OCA2: variants seen among roughly 807,000 people sequenced by gnomAD.
The protein encoded by OCA2 is OCA2 melanosomal transmembrane protein.
In OCA2, 77 loss-of-function variants were observed where a neutral mutation model predicts 100.2. That is an observed-to-expected ratio of 0.77 (90% CI 0.64 to 0.93). The LOEUF (loss-of-function observed/expected upper bound fraction) is 0.93, where lower values mean the gene tolerates loss of function less well. OCA2 is among the 40% of genes least tolerant of loss of function. The probability of loss-of-function intolerance (pLI) is 0.00; values close to 1 mark genes in which losing one functional copy is unlikely to be tolerated. For missense variants in OCA2, 1,062 were observed against 1,089.1 expected (o/e 0.98, Z 0.35); for synonymous variants, 432 against 439.2 (o/e 0.98, Z 0.21).
intron 13 of OCA2, among the ~76,000 whole-genome samples, chr15:27,984,051 T>A (rs2041259639): frequency 6.6e-6 from 1 of 151,580 alleles, no homozygotes; most frequent in Non-Finnish European, 1.5e-5. Flanking sequence ...ATTCACATAA[T>A]CAAACCAGGT....
Position 27,861,791 on chromosome 15 carries a change from A to G in OCA2, c.2244+9363T>C, listed in dbSNP as rs74811990. Among the ~76,000 whole-genome samples, 867 of 152,318 alleles carry G rather than the reference A, an allele frequency of 5.7e-3. 9 individuals carry two copies. Among genetic ancestry groups the G allele is most frequent in the African/African-American group, 0.02 (824 of 41,554 alleles). On this transcript the variant is annotated intron_variant, in intron 21 of 23. Coordinates refer to ENST00000354638, the MANE Select transcript of OCA2 (RefSeq NM_000275.3). Reference sequence around the variant, plus strand: ...CCTTTCGAAGTGTCTGGCTACAGGAAACTGAGGAAATAGGGGAGTGGCGGG... The same window carrying G: ...CCTTTCGAAGTGTCTGGCTACAGGAGACTGAGGAAATAGGGGAGTGGCGGG...
chr15:27,728,529 T>C, the OCA2 span, among the ~76,000 whole-genome samples: 1 of 152,194 alleles, frequency 6.6e-6, no homozygotes, highest in Non-Finnish European at 1.5e-5. Flanking sequence ...CTGGCACTGT[T>C]CCTGCTGATA....
intron 23 of OCA2, among the ~76,000 whole-genome samples, chr15:27,782,752 T>C (rs759341775): frequency 6.6e-6 from 1 of 152,224 alleles, no homozygotes; most frequent in Non-Finnish European, 1.5e-5. Flanking sequence ...GAGGAGCCAA[T>C]GCGTGTCCCA....
At chr15:27,877,751 T>C (rs987774706) in intron 19 of OCA2, among the ~76,000 whole-genome samples, 8 of 151,998 alleles carry the variant, frequency 5.3e-5, no homozygotes, top group Non-Finnish European at 8.8e-5. Context: ...TAAAAGTATG[T>C]CTCTTAAGAG....
At chr15:28,068,037 G>A (rs1417951710) in intron 2 of OCA2, among the ~76,000 whole-genome samples, 1 of 152,210 alleles carries the variant, frequency 6.6e-6, no homozygotes, top group Non-Finnish European at 1.5e-5. Context: ...AAATATTTAG[G>A]ATAGTTAAGG....
chr15:27,756,161 C>G (rs907248551), intron 23 of OCA2, among the ~76,000 whole-genome samples: 3 of 152,246 alleles, frequency 2.0e-5, no homozygotes, highest in Non-Finnish European at 4.4e-5. Flanking sequence ...GGGTAATGCA[C>G]GCTCTGTAGC....
At chr15:27,826,434 C>A (rs1008053347) in intron 23 of OCA2, among the ~76,000 whole-genome samples, 1 of 152,172 alleles carries the variant, frequency 6.6e-6, no homozygotes, top group Non-Finnish European at 1.5e-5. Flanking sequence ...CCCTCAACCA[C>A]TACACTCCCA....
chr15:27,818,198 C>T (rs140007727), intron 23 of OCA2, among the ~76,000 whole-genome samples: 4,314 of 152,076 alleles, frequency 0.028, 87 homozygotes, highest in African/African-American at 0.055. Context: ...GAGATCAGCC[C>T]GGCTAACATG....
At chr15:27,746,768 C>T in the OCA2 span, among the ~76,000 whole-genome samples, 1 of 152,172 alleles carries the variant, frequency 6.6e-6, no homozygotes, top group Admixed American at 6.5e-5. Flanking sequence ...GACAGCATAC[C>T]ATTTTTGGAC....
intron 15 of OCA2, among the ~76,000 whole-genome samples, chr15:27,959,796 T>G (rs2040350450): frequency 1.3e-5 from 2 of 152,244 alleles, no homozygotes; most frequent in Admixed American, 1.3e-4. Context: ...ACCCAGCACC[T>G]ACCTGCCTTC....
chr15:27,966,704 G>A lies in OCA2; in HGVS notation c.1622C>T (p.Pro541Leu). ...CTTGTACTCACCAACAATCTCACTGGGTTCCTTGTTATAAAGCTTTCTGTT... is the reference window on the plus strand; with the variant it reads ...CTTGTACTCACCAACAATCTCACTGAGTTCCTTGTTATAAAGCTTTCTGTT... ...YWNRKLYNKE[P>L]SEIVELKHEI... is the part of the protein sequence containing the mutation. Residue 541 changes from proline to leucine, a missense_variant, in exon 15 of 24, where the codon CCC becomes CTC. Physicochemically the swap from Pro to Leu is moderately conservative, Grantham distance 98. Coordinates refer to ENST00000354638, the MANE Select transcript of OCA2 (RefSeq NM_000275.3). 2.5e-6 allele frequency: 4 copies of A among 1,613,960 alleles called. No individual in the cohort carries two copies. The highest frequency in any genetic ancestry group is 3.4e-6 in the Non-Finnish European group (4 of 1,179,988).
At chr15:28,070,375 G>A (rs1195971681) in intron 2 of OCA2, among the ~76,000 whole-genome samples, 19 of 130,994 alleles carry the variant, frequency 1.5e-4, no homozygotes, top group South Asian at 2.8e-4. Flanking sequence ...ACCTCTGCCC[G>A]GCCGCCCCTA....
At chr15:27,926,561 A>G (rs766388664) in intron 18 of OCA2, among the ~76,000 whole-genome samples, 12 of 152,138 alleles carry the variant, frequency 7.9e-5, no homozygotes, top group Non-Finnish European at 1.8e-4. Flanking sequence ...TTCACTATAG[A>G]TTGGCTTAAA....
At chr15:28,067,645 T>G (rs548780870) in intron 2 of OCA2, among the ~76,000 whole-genome samples, 1 of 152,240 alleles carries the variant, frequency 6.6e-6, no homozygotes, top group Non-Finnish European at 1.5e-5. Flanking sequence ...TTTGTAGTTT[T>G]CCAAGATCTT....
At chr15:27,969,485 T>C (rs1481865914) in intron 14 of OCA2, among the ~76,000 whole-genome samples, 1 of 152,240 alleles carries the variant, frequency 6.6e-6, no homozygotes, top group East Asian at 1.9e-4. Context: ...TGTAATTTCC[T>C]AGACTCTCGT....
chr15:28,070,851 C>T (rs1165812656), intron 2 of OCA2, among the ~76,000 whole-genome samples: 4 of 142,408 alleles, frequency 2.8e-5, no homozygotes, highest in Non-Finnish European at 3.0e-5. Flanking sequence ...TCCTGTTGAT[C>T]TGTGACCTTA....
downstream of OCA2, among the ~76,000 whole-genome samples, chr15:27,753,366 A>T (rs1315655191): frequency 6.6e-6 from 1 of 151,708 alleles, no homozygotes; most frequent in Non-Finnish European, 1.5e-5. Flanking sequence ...GTGGGGCATG[A>T]ATAGGAACCT....
intron 19 of OCA2, among the ~76,000 whole-genome samples, chr15:27,880,599 T>C (rs1172034271): frequency 6.6e-6 from 1 of 152,178 alleles, no homozygotes. Flanking sequence ...TATTCCTAGG[T>C]TTTTTATTCT....
intron 3 of OCA2, among the ~76,000 whole-genome samples, chr15:28,030,950 G>A (rs986352219): frequency 3.9e-5 from 6 of 151,978 alleles, no homozygotes; most frequent in Admixed American, 6.5e-5. Context: ...AAAGACTACC[G>A]GGCACGAGAG....
Sources: allele counts gnomAD v4.1 joint callset (sites outside exome capture counted in the v4.1 genomes callset), GRCh38; gene constraint gnomAD v4.1.1; transcripts MANE v1.5; gene names NCBI Gene and HGNC (gene_info 2026-07-23, HGNC 2026-07-21).